ANKS1B: variants seen among roughly 807,000 people sequenced by gnomAD.
ANKS1B encodes the protein ankyrin repeat and sterile alpha motif domain-containing protein 1B.
A neutral mutation model predicts 148.3 loss-of-function variants in ANKS1B; 36 were observed. The observed-to-expected ratio is 0.24, with a 90% confidence interval of 0.19 to 0.32. ANKS1B has a LOEUF of 0.32. Among genes scored for constraint, ANKS1B ranks in the 10% least tolerant of loss-of-function variants. The probability of loss-of-function intolerance (pLI) is 1.00; values close to 1 mark genes in which losing one functional copy is unlikely to be tolerated. For synonymous variants in ANKS1B, 542 were observed against 560.8 expected, an observed-to-expected ratio of 0.97 and a Z score of 0.47; for missense variants, 1,157 against 1,542.6, an observed-to-expected ratio of 0.75 and a Z score of 4.19.
At chr12:99,051,033 T>C (rs898039889) in intron 17 of ANKS1B, among the ~76,000 whole-genome samples, 1 of 152,080 alleles carries the variant, frequency 6.6e-6, no homozygotes, top group Non-Finnish European at 1.5e-5. Context: ...TCAAGGCTGA[T>C]TGGCCTCATG....
chr12:99,838,544 T>C (rs1322850124), intron 1 of ANKS1B, among the ~76,000 whole-genome samples: 1 of 152,188 alleles, frequency 6.6e-6, no homozygotes, highest in Non-Finnish European at 1.5e-5. Context: ...TATTTATAGA[T>C]ATTAACCCTT....
chr12:99,375,546 TTAGTAA>T (rs1039398623), intron 12 of ANKS1B, among the ~76,000 whole-genome samples: 2 of 152,250 alleles, frequency 1.3e-5, no homozygotes, highest in Non-Finnish European at 2.9e-5. Flanking sequence ...GTAATCATTG[TTAGTAA>T]TAGTATCATA....
chr12:99,769,886 T>C (rs1175918726), intron 8 of ANKS1B, among the ~76,000 whole-genome samples: 2 of 152,252 alleles, frequency 1.3e-5, no homozygotes, highest in Non-Finnish European at 1.5e-5. Context: ...TTGCACTTAC[T>C]GTTTCTTCAG....
chr12:99,410,863 TTC>T (rs2094679484), intron 11 of ANKS1B, among the ~76,000 whole-genome samples: 1 of 152,216 alleles, frequency 6.6e-6, no homozygotes, highest in Non-Finnish European at 1.5e-5. Context: ...TGTTATGGTG[TTC>T]TTTTATTTGC....
At chr12:99,125,908 A>G (rs1011663337) in intron 15 of ANKS1B, among the ~76,000 whole-genome samples, 2 of 152,028 alleles carry the variant, frequency 1.3e-5, no homozygotes, top group African/African-American at 4.8e-5. Flanking sequence ...GAAAAAAAAA[A>G]TAGACCTGAT....
rs114566592 is a variant in ANKS1B, at chr12:99,825,515, T to C, written c.135-126A>G. On this transcript the variant is annotated intron_variant, in intron 1 of 26. Coordinates refer to ENST00000683438, the MANE Select transcript of ANKS1B (RefSeq NM_001352186.2). ...ATAAAAATTTTAGCCATGTGGAAAA[T>C]GATTGCCATCTTCTATGAATTCCCC... 4.5e-3 allele frequency: 2,833 copies of C among 635,674 alleles called. 68 individuals carry two copies. The African/African-American group carries it at 0.046, about 10-fold the overall frequency. The allele number at this position is 635,674 out of a possible 1,614,324, so 39.4% of individuals were successfully genotyped here. A position where few individuals can be genotyped will look rare whatever the true frequency, so the allele number is the denominator to read the frequency against.
At chr12:99,263,289 G>T (rs139622373) in intron 12 of ANKS1B, among the ~76,000 whole-genome samples, 2 of 151,900 alleles carry the variant, frequency 1.3e-5, no homozygotes, top group Admixed American at 6.6e-5. Flanking sequence ...TCATGCCCAC[G>T]CCCCGTTTTC....
rs539108650 is a variant in ANKS1B, at chr12:99,075,917, TATA to T, written c.2625+9005_2625+9007del. ...TGTATATAATAGGTTATAATAGGAA[TATA>T]ATATGTTAATGTTATACAATATAGC... On this transcript the variant is annotated intron_variant, in intron 16 of 26. Coordinates refer to ENST00000683438, the MANE Select transcript of ANKS1B (RefSeq NM_001352186.2). Among the ~76,000 whole-genome samples, 207 of 149,508 alleles carry T rather than the reference TATA, an allele frequency of 1.4e-3. 1 individual carries two copies. Among genetic ancestry groups the T allele is most frequent in the African/African-American group, 4.9e-3 (200 of 41,040 alleles).
intron 9 of ANKS1B, among the ~76,000 whole-genome samples, chr12:99,632,767 A>ATATATATATT (rs1441486862): frequency 0.024 from 1,719 of 71,054 alleles, 123 homozygotes; most frequent in Admixed American, 0.036. Flanking sequence ...ATATATATAT[A>ATATATATATT]TTTTAATTAT....
At chr12:99,424,227 T>C (rs761698933) in intron 11 of ANKS1B, among the ~76,000 whole-genome samples, 2 of 152,176 alleles carry the variant, frequency 1.3e-5, no homozygotes, top group East Asian at 3.8e-4. Context: ...ACTTTATCAA[T>C]ATAAAAATCC....
At chr12:99,371,200 A>G (rs2093114090) in intron 12 of ANKS1B, among the ~76,000 whole-genome samples, 1 of 152,000 alleles carries the variant, frequency 6.6e-6, no homozygotes, top group South Asian at 2.1e-4. Context: ...CTATTTCTTC[A>G]TTATGCAAAG....
chr12:99,339,869 G>A (rs927719320), intron 12 of ANKS1B, among the ~76,000 whole-genome samples: 6 of 152,142 alleles, frequency 3.9e-5, no homozygotes, highest in Admixed American at 2.0e-4. Flanking sequence ...GAGACTCTGC[G>A]TCAGACCATA....
intron 12 of ANKS1B, among the ~76,000 whole-genome samples, chr12:99,361,819 G>T (rs1160845150): frequency 1.3e-5 from 2 of 152,016 alleles, no homozygotes; most frequent in Non-Finnish European, 2.9e-5. Flanking sequence ...TGGGGGAAAT[G>T]ATGAACATTT....
chr12:98,931,239 C>A (rs990781980), intron 17 of ANKS1B, among the ~76,000 whole-genome samples: 1 of 152,154 alleles, frequency 6.6e-6, no homozygotes, highest in African/African-American at 2.4e-5. Context: ...TCCACCATAT[C>A]TTTCAAACTC....
rs1414664972 is a variant in ANKS1B, at chr12:98,744,108, CTTT to C, written c.*1628_*1630del. ...TCTGTTTCAGCAAAGCTCCTATTAA[CTTT>C]GCTCCTATACAATTGCCTCCTGGTA... On this transcript the variant is annotated 3_prime_UTR_variant, in exon 27 of 27. Coordinates refer to ENST00000683438, the MANE Select transcript of ANKS1B (RefSeq NM_001352186.2). 2 of 985,440 alleles carry C rather than the reference CTTT, an allele frequency of 2.0e-6. No homozygotes were observed. Among genetic ancestry groups the C allele is most frequent in the Non-Finnish European group, 2.4e-6 (2 of 829,670 alleles). 61.0% of individuals were successfully genotyped at this position (985,440 alleles called of 1,614,324 possible).
chr12:99,403,451 C>T (rs2094460211), intron 11 of ANKS1B, among the ~76,000 whole-genome samples: 1 of 140,982 alleles, frequency 7.1e-6, no homozygotes, highest in Admixed American at 7.0e-5. Context: ...ACGACCATAC[C>T]CAGCCCCCAA....
At chr12:98,947,919 TACTG>T (rs1290364805) in intron 17 of ANKS1B, among the ~76,000 whole-genome samples, 5 of 152,196 alleles carry the variant, frequency 3.3e-5, no homozygotes, top group Non-Finnish European at 4.4e-5. Context: ...GTCTGGTAGT[TACTG>T]ACTGTCACTT....
At chr12:99,637,931 G>A (rs1428021974) in intron 9 of ANKS1B, among the ~76,000 whole-genome samples, 3 of 151,802 alleles carry the variant, frequency 2.0e-5, no homozygotes, top group Non-Finnish European at 2.9e-5. Flanking sequence ...AATACACCAT[G>A]TGTCATGGGA....
intron 10 of ANKS1B, among the ~76,000 whole-genome samples, chr12:99,469,976 G>A (rs2096211502): frequency 6.6e-6 from 1 of 151,814 alleles, no homozygotes; most frequent in East Asian, 1.9e-4. Context: ...CAAATTAGTG[G>A]GATTTGGTGG....
Sources: allele counts gnomAD v4.1 joint callset (sites outside exome capture counted in the v4.1 genomes callset), GRCh38; gene constraint gnomAD v4.1.1; transcripts MANE v1.5; gene names NCBI Gene and HGNC (gene_info 2026-07-23, HGNC 2026-07-21).